The following GRB10 variants were observed in gnomAD, a reference collection of about 807,000 sequenced individuals.
The protein encoded by GRB10 is growth factor receptor bound protein 10.
GRB10 carries 20 observed loss-of-function variants against 80.9 expected under a neutral mutation model. The observed-to-expected ratio is 0.25, with a 90% CI of 0.17 to 0.36. The LOEUF is 0.36. Ranked by LOEUF, GRB10 falls within the 10% of genes least tolerant of loss-of-function variation. GRB10 has a pLI of 1.00. For synonymous variants in GRB10, 291 were observed against 291.5 expected (o/e 1.00, Z 0.02); for missense variants, 548 against 747.7 (o/e 0.73, Z 3.12).
intron 13 of GRB10, among the ~76,000 whole-genome samples, chr7:50,612,184 C>T (rs1285646700): frequency 6.6e-6 from 1 of 152,200 alleles, no homozygotes; most frequent in Non-Finnish European, 1.5e-5. Flanking sequence ...ATCATGTTTA[C>T]TTCATGGCCC....
chr7:50,656,731 T>G (rs1366813963), intron 7 of GRB10, among the ~76,000 whole-genome samples: 2 of 152,058 alleles, frequency 1.3e-5, no homozygotes, highest in East Asian at 3.9e-4. Context: ...ACTCTCTCAT[T>G]AGGGAGAATG....
chr7:50,616,411 T>C, intron 10 of GRB10, 64 bp from the exon 11 acceptor site: 1 of 1,446,608 alleles, frequency 6.9e-7, no homozygotes, highest in Admixed American at 1.8e-5. Flanking sequence ...GCAGACATGT[T>C]ATCAGCATAG....
intron 6 of GRB10, among the ~76,000 whole-genome samples, chr7:50,670,651 T>G (rs1239866627): frequency 1.3e-5 from 2 of 152,120 alleles, no homozygotes; most frequent in Non-Finnish European, 2.9e-5. Flanking sequence ...ATACCTGATG[T>G]GTGAAAGTTT....
chr7:50,727,907 T>G (rs2068911523), intron 4 of GRB10: 1 of 152,170 alleles, frequency 6.6e-6, no homozygotes, highest in Non-Finnish European at 1.5e-5. Context: ...ACAGAAGAAA[T>G]GTGGAGAATT....
At chr7:50,625,104 T>C (rs2052637430) in intron 8 of GRB10, among the ~76,000 whole-genome samples, 1 of 152,178 alleles carries the variant, frequency 6.6e-6, no homozygotes. Context: ...TAATGCATCA[T>C]TTATTTATCT....
At chr7:50,693,406 T>C (rs964026749) in intron 5 of GRB10, among the ~76,000 whole-genome samples, 3 of 152,178 alleles carry the variant, frequency 2.0e-5, no homozygotes, top group Admixed American at 6.5e-5. Context: ...ACCAAATACA[T>C]TGCTACAAAT....
intron 7 of GRB10, among the ~76,000 whole-genome samples, chr7:50,651,609 G>T (rs970398661): frequency 6.6e-6 from 1 of 152,122 alleles, no homozygotes; most frequent in African/African-American, 2.4e-5. Flanking sequence ...ATTCTGAGGG[G>T]GACATAATTC....
At chr7:50,670,011 G>A (rs1274095059) in intron 6 of GRB10, 148 bp from the exon 7 acceptor site, 3 of 931,332 alleles carry the variant, frequency 3.2e-6, no homozygotes, top group South Asian at 1.4e-5. Context: ...CTTCACAAAA[G>A]CCAAAAAGTA....
chr7:50,606,611 T>A, intron 13 of GRB10, 197 bp from the exon 14 acceptor site: 1 of 605,450 alleles, frequency 1.7e-6, no homozygotes, highest in Non-Finnish European at 3.0e-6. Context: ...AAATAAAAAA[T>A]CCGAGTATAG....
intron 2 of GRB10, among the ~76,000 whole-genome samples, chr7:50,774,155 C>A (rs1434347325): frequency 1.3e-5 from 2 of 152,168 alleles, no homozygotes; most frequent in Non-Finnish European, 2.9e-5. Flanking sequence ...ACAGGGAAAT[C>A]TATGCAGACA....
intron 18 of GRB10, 52 bp from the exon 19 acceptor site, chr7:50,593,150 C>G (rs777685014): frequency 6.2e-7 from 1 of 1,606,672 alleles, no homozygotes. Flanking sequence ...CCTCAGGGAA[C>G]AGAACGGGGC....
rs576503803 is a variant in GRB10, at chr7:50,652,870, T to C, written c.504+16852A>G. Among the ~76,000 whole-genome samples the C allele has an allele frequency of 3.3e-5, 5 of 152,312 alleles. No homozygotes were observed. In the East Asian group the frequency reaches 9.6e-4, roughly 29 times the overall value. On this transcript the variant is annotated intron_variant, in intron 7 of 18. Transcript: ENST00000401949. ...TCAGAATTATCAGCATGGAGATAAT[T>C]CACTCTTGATCCTCCAATGGCCCAG...
At chr7:50,637,648 T>C (rs2055319959) in intron 7 of GRB10, among the ~76,000 whole-genome samples, 1 of 151,794 alleles carries the variant, frequency 6.6e-6, no homozygotes. Context: ...AGATTCAACA[T>C]AATTTCTATC....
chr7:50,735,416 T>A (rs1261204116), intron 3 of GRB10, among the ~76,000 whole-genome samples: 2 of 151,212 alleles, frequency 1.3e-5, no homozygotes, highest in African/African-American at 4.9e-5. Context: ...CCTAATGATA[T>A]TTTTTTTTGC....
At chr7:50,785,705 G>A (rs903618633), upstream of GRB10, among the ~76,000 whole-genome samples, 3 of 152,248 alleles carry the variant, frequency 2.0e-5, no homozygotes, top group African/African-American at 7.2e-5. Context: ...CACCAGGCTG[G>A]CACACCCTCC....
Position 50,669,790 on chromosome 7 carries a change from A to G in GRB10, c.436T>C (p.Cys146Arg), listed in dbSNP as rs752680336. 6.8e-6 allele frequency: 11 copies of G among 1,614,104 alleles called. No homozygotes were observed. In the South Asian group the frequency reaches 1.2e-4, roughly 18 times the overall value. Residue 146 changes from cysteine (C) to arginine (R), a missense_variant, in exon 7 of 19, where the codon TGT (cysteine) becomes CGT (arginine). Transcript: ENST00000401949. ...AGCACAGGGGGGCTCCCAGGGCCACAGAGTTCAGGAAAAGGATTGGGGATG... is the reference window on the plus strand; with the variant it reads ...AGCACAGGGGGGCTCCCAGGGCCACGGAGTTCAGGAAAAGGATTGGGGATG... ...PAIPNPFPEL[C>R]GPGSPPVLTP...
intron 7 of GRB10, among the ~76,000 whole-genome samples, chr7:50,637,555 A>T (rs974571253): frequency 6.6e-6 from 1 of 152,182 alleles, no homozygotes; most frequent in African/African-American, 2.4e-5. Context: ...AGATGGCACA[A>T]ACAAATGGAA....
intron 8 of GRB10, among the ~76,000 whole-genome samples, chr7:50,624,945 C>G (rs1183858266): frequency 6.6e-6 from 1 of 151,112 alleles, no homozygotes; most frequent in Non-Finnish European, 1.5e-5. Flanking sequence ...AATAAAGTGT[C>G]ATCGCCCACT....
At chr7:50,614,293 T>G (rs1262150710) in intron 12 of GRB10, among the ~76,000 whole-genome samples, 1 of 152,216 alleles carries the variant, frequency 6.6e-6, no homozygotes, top group East Asian at 1.9e-4. Context: ...TGCACACGTG[T>G]GTGTGCATGC....
Sources: allele counts gnomAD v4.1 joint callset (sites outside exome capture counted in the v4.1 genomes callset), GRCh38; gene constraint gnomAD v4.1.1; transcripts MANE v1.5; gene names NCBI Gene and HGNC (gene_info 2026-07-23, HGNC 2026-07-21).